The following PLEKHA4 variants were observed in gnomAD, a reference collection of about 807,000 sequenced individuals.
PLEKHA4 encodes pleckstrin homology domain containing A4.
In PLEKHA4, 73 loss-of-function variants were observed where a neutral mutation model predicts 94.7. That is an observed-to-expected ratio of 0.77 (90% CI 0.64 to 0.94). The LOEUF is 0.94. PLEKHA4 is among the 40% of genes least tolerant of loss of function. The pLI is 0.00. For missense variants in PLEKHA4, 1,049 were observed against 1,054.1 expected, an observed-to-expected ratio of 1.00 and a Z score of 0.07; for synonymous variants, 449 against 437.1, an observed-to-expected ratio of 1.03 and a Z score of -0.34.
In PLEKHA4 at chr19:48,845,434, G is replaced by A. The variant is rs369000258; in HGVS notation, c.1679C>T (p.Pro560Leu). 2.0e-5 allele frequency: 32 copies of A among 1,613,796 alleles called. No homozygotes were observed. Among genetic ancestry groups the A allele is most frequent in the Middle Eastern group, 1.7e-4 (1 of 5,992 alleles). Residue 560 changes from proline (P) to leucine (L), a missense_variant, in exon 16 of 20, where the codon CCG becomes CTG. Coordinates refer to ENST00000263265, the MANE Select transcript of PLEKHA4 (RefSeq NM_020904.3). ...AGGGCTGGAAGCCCGGGAGACCCTC[G>A]GAGACCCAAGACCTGGAAAGACAGA... ...LASPHLGLGS[P>L]RVSRASSPEG...
chr19:48,848,359 A>G lies in PLEKHA4; in HGVS notation c.1426-319T>C, dbSNP rs372320527. On this transcript the variant is annotated intron_variant, in intron 13 of 19. Coordinates refer to ENST00000263265, the MANE Select transcript of PLEKHA4 (RefSeq NM_020904.3). ...AAATTAGCCGGGCGTAGTGGCGGGC[A>G]CCTGTAGTCCCAGCTACTTGGGAGG... Among the ~76,000 whole-genome samples, 525 of 150,558 alleles carry G rather than the reference A, an allele frequency of 3.5e-3. 1 individual carries two copies. Among genetic ancestry groups the G allele is most frequent in the African/African-American group, 0.012 (483 of 40,988 alleles).
chr19:48,841,781 C>A (rs534217845), intron 16 of PLEKHA4, among the ~76,000 whole-genome samples: 2 of 151,950 alleles, frequency 1.3e-5, no homozygotes, highest in South Asian at 2.1e-4. Flanking sequence ...ATAGCAAGAC[C>A]CCATCTCTAC....
At chr19:48,841,832 G>C (rs1227146864) in intron 16 of PLEKHA4, among the ~76,000 whole-genome samples, 1 of 152,096 alleles carries the variant, frequency 6.6e-6, no homozygotes, top group East Asian at 1.9e-4. Flanking sequence ...ATGCCTGTCA[G>C]CTACTCAAGA....
chr19:48,858,129 C>G (rs980506801), intron 8 of PLEKHA4, among the ~76,000 whole-genome samples: 3 of 152,074 alleles, frequency 2.0e-5, no homozygotes, highest in African/African-American at 7.2e-5. Context: ...AACAGCCCCA[C>G]AAGATGATGG....
chr19:48,837,870 A>G lies in PLEKHA4; in HGVS notation c.2077+147T>C. On this transcript the variant is annotated intron_variant, in intron 19 of 19. Transcript: ENST00000263265. The surrounding 1 kb of genome is among the most constrained non-coding windows in gnomAD (Gnocchi z 4.3). ...CCAGTCACCTCTTGCCTGAGACCTA[A>G]AACTCCCAAACCCTGCCCAACTCTT... 5.7e-6 allele frequency: 4 copies of G among 703,110 alleles called. 1 individual carries two copies. The highest frequency in any genetic ancestry group is 9.6e-6 in the Non-Finnish European group (4 of 416,520). The allele number at this position is 703,110 out of a possible 1,614,324, so 43.6% of individuals were successfully genotyped here. A position where few individuals can be genotyped will look rare whatever the true frequency, so the allele number is the denominator to read the frequency against.
chr19:48,865,621 A>G lies in PLEKHA4; in HGVS notation c.85-11T>C. On this transcript the variant is annotated splice_polypyrimidine_tract_variant and intron_variant, in intron 2 of 19. Transcript: ENST00000263265. ...TGCCCGGGTGGGCTTCTGAGGAGAG[A>G]AGGGGACAGAAGTGAACAGGGAGAG... 2 of 1,580,304 alleles carry G rather than the reference A, an allele frequency of 1.3e-6. No individual in the cohort carries two copies. The highest frequency in any genetic ancestry group is 1.7e-6 in the Non-Finnish European group (2 of 1,150,396).
At chr19:48,863,317 A>C (rs1396069565) in intron 3 of PLEKHA4, among the ~76,000 whole-genome samples, 2 of 150,002 alleles carry the variant, frequency 1.3e-5, no homozygotes, top group African/African-American at 4.9e-5. Flanking sequence ...GCAGTGGCAC[A>C]ATCTCGGCTG....
At chr19:48,849,260 G>A (rs926966986) in intron 13 of PLEKHA4, among the ~76,000 whole-genome samples, 8 of 151,766 alleles carry the variant, frequency 5.3e-5, no homozygotes, top group African/African-American at 1.9e-4. Context: ...AGCTTAGAGT[G>A]AGAAGATGCA....
chr19:48,845,156 A>T, intron 16 of PLEKHA4: 1 of 513,272 alleles, frequency 1.9e-6, no homozygotes, highest in Non-Finnish European at 3.5e-6. Flanking sequence ...ATTTTAGAGA[A>T]GAAAAAATGA....
In PLEKHA4 at chr19:48,859,666, A is replaced by G. The variant is rs766399637; in HGVS notation, c.495T>C (p.Pro165=). The part of the protein sequence containing the change: ...EGDDYGQPRS[P]ARPQPGEGPG... ...GGCCCTCCCCGGGCTGGGGTCGTGC[A>G]GGTGACCTGGGTTGCCCACTAGCGA... The change falls in exon 7 of 20, where the codon CCT becomes CCC. Residue 165 remains proline, a synonymous_variant. Coordinates refer to ENST00000263265, the MANE Select transcript of PLEKHA4 (RefSeq NM_020904.3). The G allele has an allele frequency of 1.9e-6, 3 of 1,612,082 alleles. No individual in the cohort carries two copies. Among genetic ancestry groups the G allele is most frequent in the Middle Eastern group, 1.8e-4 (1 of 5,618 alleles).
At chr19:48,860,935 G>A (rs192870486) in intron 5 of PLEKHA4, among the ~76,000 whole-genome samples, 6 of 152,278 alleles carry the variant, frequency 3.9e-5, no homozygotes, top group Admixed American at 2.0e-4. Context: ...GGACAGACGC[G>A]GTGGCTCATG....
In PLEKHA4 at chr19:48,848,056, G is replaced by T; in HGVS notation, c.1426-16C>A. On this transcript the variant is annotated splice_polypyrimidine_tract_variant and intron_variant, in intron 13 of 19. Transcript: ENST00000263265. ...ACACTCTGTCCTGCAGGGAGGAAAGGAATTTGTTACTTAAAGGTGGGAAAA... is the reference window on the plus strand; with the variant it reads ...ACACTCTGTCCTGCAGGGAGGAAAGTAATTTGTTACTTAAAGGTGGGAAAA... 1 of 1,612,568 alleles carries T rather than the reference G, an allele frequency of 6.2e-7. No individual in the cohort carries two copies. Among genetic ancestry groups the T allele is most frequent in the Non-Finnish European group, 8.5e-7 (1 of 1,179,744 alleles).
Position 48,851,715 on chromosome 19 carries a change from G to A in PLEKHA4, c.1425+513C>T, listed in dbSNP as rs151313102. On this transcript the variant is annotated intron_variant, in intron 13 of 19. Transcript: ENST00000263265. ...CATGCTTGCAATCCCAGCACTTTGG[G>A]AGGCCGTGGCAGGCAGATCACTTGA... Among the ~76,000 whole-genome samples the A allele has an allele frequency of 2.6e-4, 40 of 152,064 alleles. 1 individual carries two copies. Among genetic ancestry groups the A allele is most frequent in the South Asian group, 1.9e-3 (9 of 4,828 alleles).
At position 48,845,420 on chromosome 19, in the gene PLEKHA4, C is replaced by T. The variant is rs1284161786; in HGVS notation, c.1693G>A (p.Ala565Thr). ...AGGTGGCGACCCTCAGGGCTGGAAGCCCGGGAGACCCTCGGAGACCCAAGA... is the reference window on the plus strand; with the variant it reads ...AGGTGGCGACCCTCAGGGCTGGAAGTCCGGGAGACCCTCGGAGACCCAAGA... ...LGLGSPRVSRASSPEGRHLPS... is the reference protein window; with the variant it reads ...LGLGSPRVSRTSSPEGRHLPS... Residue 565 changes from alanine to threonine, a missense_variant, in exon 16 of 20, where the codon GCT (alanine) becomes ACT (threonine). Coordinates refer to ENST00000263265, the MANE Select transcript of PLEKHA4 (RefSeq NM_020904.3). 6.2e-7 allele frequency: 1 copy of T among 1,613,800 alleles called. No individual in the cohort carries two copies. The highest frequency in any genetic ancestry group is 8.5e-7 in the Non-Finnish European group (1 of 1,180,012).
chr19:48,862,776 G>A (rs991829137), intron 3 of PLEKHA4, among the ~76,000 whole-genome samples: 4 of 152,162 alleles, frequency 2.6e-5, no homozygotes, highest in African/African-American at 9.7e-5. Context: ...GCCTCCCAAA[G>A]TGCTGGGATT....
rs538216303 is a variant in PLEKHA4 at position 48,859,299 on chromosome 19, C to T, written c.693-160G>A. 8.9e-4 allele frequency: 807 copies of T among 904,686 alleles called. 3 individuals carry two copies. The highest frequency in any genetic ancestry group is 1.2e-3 in the Non-Finnish European group (718 of 593,178). The allele number at this position is 904,686 out of a possible 1,614,324, so 56.0% of individuals were successfully genotyped here. On this transcript the variant is annotated intron_variant, in intron 7 of 19. Transcript: ENST00000263265. ...TACTGTCCAAATCCTCAGTAATGTC[C>T]GCTTTGTGGCATCTTCCCCTCCAGT...
Position 48,839,188 on chromosome 19 carries a change from G to A in PLEKHA4, c.1964+17C>T, listed in dbSNP as rs761641694. 5.8e-6 allele frequency: 9 copies of A among 1,542,686 alleles called. No homozygotes were observed. The highest frequency in any genetic ancestry group is 2.0e-5 in the Admixed American group (1 of 51,176). On this transcript the variant is annotated intron_variant, in intron 18 of 19. Transcript: ENST00000263265. Reference sequence around the variant, plus strand: ...TTTTTTTTTCCTGCTCCCTTGATACGCCCTCCAGTTCCTTACCTACTCCAG... The same window carrying A: ...TTTTTTTTTCCTGCTCCCTTGATACACCCTCCAGTTCCTTACCTACTCCAG...
At chr19:48,839,343 CA>C in intron 17 of PLEKHA4, 80 bp from the exon 18 acceptor site, 1 of 961,340 alleles carries the variant, frequency 1.0e-6, no homozygotes, top group Non-Finnish European at 1.5e-6. Flanking sequence ...AAGGGGGCTC[CA>C]AAAGAGAATG....
intron 8 of PLEKHA4, among the ~76,000 whole-genome samples, chr19:48,857,857 T>G (rs536738076): frequency 6.6e-6 from 1 of 150,938 alleles, no homozygotes; most frequent in African/African-American, 2.4e-5. Context: ...CCTCCACTAT[T>G]GTCCTATGAC....
Sources: allele counts gnomAD v4.1 joint callset (sites outside exome capture counted in the v4.1 genomes callset), GRCh38; gene constraint gnomAD v4.1.1; non-coding constraint Gnocchi (gnomAD v3.1); transcripts MANE v1.5; gene names NCBI Gene and HGNC (gene_info 2026-07-23, HGNC 2026-07-21).